Variants in SPOCK3 observed in about 807,000 individuals in gnomAD.
The protein encoded by SPOCK3 is SPARC (osteonectin), cwcv and kazal like domains proteoglycan 3.
Under a neutral mutation model 56.6 loss-of-function variants are expected in SPOCK3, and 30 were observed. That is an observed-to-expected ratio of 0.53 (90% confidence interval 0.40 to 0.72). The LOEUF is 0.72. SPOCK3 is among the 30% of genes least tolerant of loss of function. The probability of loss-of-function intolerance (pLI) is 0.00; values close to 1 mark genes in which losing one functional copy is unlikely to be tolerated. For synonymous variants in SPOCK3, 196 were observed against 183.3 expected, an observed-to-expected ratio of 1.07 and a Z score of -0.56; for missense variants, 527 against 530.0, an observed-to-expected ratio of 0.99 and a Z score of 0.06.
At chr4:167,180,000 A>G (rs559796816) in intron 2 of SPOCK3, among the ~76,000 whole-genome samples, 1 of 152,300 alleles carries the variant, frequency 6.6e-6, no homozygotes, top group African/African-American at 2.4e-5. Context: ...TTATACTGCA[A>G]GAAGGGAATG....
At chr4:167,119,328 T>C (rs1022356620) in intron 2 of SPOCK3, among the ~76,000 whole-genome samples, 1 of 152,144 alleles carries the variant, frequency 6.6e-6, no homozygotes, top group African/African-American at 2.4e-5. Flanking sequence ...TAATCATATA[T>C]ACTTTGGTGA....
Position 166,842,652 on chromosome 4 carries a change from G to T in SPOCK3, c.589+46478C>A, listed in dbSNP as rs1245506126. ...CCACCAGAGTAGCTAGTTACAGAGT[G>T]CTGATTGGCACATCCACCAACCCTG... On this transcript the variant is annotated intron_variant, in intron 6 of 10. Transcript: ENST00000357545. Among the ~76,000 whole-genome samples, 3 of 152,158 alleles carry T rather than the reference G, an allele frequency of 2.0e-5. No individual in the cohort carries two copies. In the East Asian group the frequency reaches 5.8e-4, roughly 29 times the overall value.
intron 2 of SPOCK3, among the ~76,000 whole-genome samples, chr4:167,151,208 G>T (rs1321976739): frequency 6.6e-6 from 1 of 152,032 alleles, no homozygotes; most frequent in Non-Finnish European, 1.5e-5. Context: ...GTCCTTTTGG[G>T]GTGATTGCAA....
At chr4:166,745,681 G>A (rs1735516707) in intron 8 of SPOCK3, among the ~76,000 whole-genome samples, 1 of 152,118 alleles carries the variant, frequency 6.6e-6, no homozygotes, top group Non-Finnish European at 1.5e-5. Context: ...CCAGTTAAAA[G>A]ACACAGACTG....
intron 2 of SPOCK3, among the ~76,000 whole-genome samples, chr4:167,233,777 C>T (rs1036605283): frequency 1.3e-5 from 2 of 152,056 alleles, no homozygotes; most frequent in African/African-American, 4.8e-5. Flanking sequence ...GAGACCTGAA[C>T]TCCTGTGCAT....
intron 4 of SPOCK3, among the ~76,000 whole-genome samples, chr4:166,983,846 T>C (rs1003335346): frequency 1.3e-5 from 2 of 152,054 alleles, no homozygotes; most frequent in African/African-American, 2.4e-5. Context: ...ATTATTAATT[T>C]GAATTTTCTA....
At chr4:166,930,175 T>G (rs1294150358) in intron 4 of SPOCK3, among the ~76,000 whole-genome samples, 1 of 152,078 alleles carries the variant, frequency 6.6e-6, no homozygotes, top group East Asian at 1.9e-4. Flanking sequence ...GAAGCATAAC[T>G]AATCTTTGTA....
At chr4:167,171,834 G>A (rs901136281) in intron 2 of SPOCK3, among the ~76,000 whole-genome samples, 7 of 151,328 alleles carry the variant, frequency 4.6e-5, no homozygotes, top group Non-Finnish European at 8.8e-5. Flanking sequence ...TACATGGGAC[G>A]AGACAGGAAT....
chr4:167,124,383 A>G (rs1474925951), intron 2 of SPOCK3, among the ~76,000 whole-genome samples: 1 of 152,174 alleles, frequency 6.6e-6, no homozygotes, highest in Admixed American at 6.5e-5. Flanking sequence ...CACATTCAGA[A>G]TGTCTAAAAC....
intron 4 of SPOCK3, among the ~76,000 whole-genome samples, chr4:166,982,100 G>A (rs374750561): frequency 2.4e-4 from 37 of 152,082 alleles, no homozygotes; most frequent in Admixed American, 3.9e-4. Context: ...CAGCGCTCCC[G>A]CCCTGCTGAA....
chr4:166,950,885 A>C (rs1742511960), intron 4 of SPOCK3, among the ~76,000 whole-genome samples: 1 of 146,154 alleles, frequency 6.8e-6, no homozygotes. Flanking sequence ...CTTTGAAACC[A>C]ACGAGAACAA....
chr4:167,091,934 ATC>A (rs1293221509), intron 2 of SPOCK3, among the ~76,000 whole-genome samples: 2 of 152,316 alleles, frequency 1.3e-5, no homozygotes, highest in Non-Finnish European at 2.9e-5. Context: ...AATAAAAAAT[ATC>A]TCTGTCTTTC....
intron 2 of SPOCK3, among the ~76,000 whole-genome samples, chr4:167,092,716 T>C (rs1758806276): frequency 6.6e-6 from 1 of 152,174 alleles, no homozygotes; most frequent in Non-Finnish European, 1.5e-5. Flanking sequence ...ACTTAATTTC[T>C]CCACATACTG....
rs547531515 is a variant in SPOCK3, at chr4:166,791,112, T to C, written c.709+1058A>G. Among the ~76,000 whole-genome samples, 87 of 152,016 alleles carry C rather than the reference T, an allele frequency of 5.7e-4. 1 individual carries two copies. Among genetic ancestry groups the C allele is most frequent in the African/African-American group, 2.0e-3 (84 of 41,412 alleles). ...TTCATGAAATTCATAAAAAGAAATATATGGATTAGTCATTACGCATTCAAA... is the reference window on the plus strand; with the variant it reads ...TTCATGAAATTCATAAAAAGAAATACATGGATTAGTCATTACGCATTCAAA... On this transcript the variant is annotated intron_variant, in intron 7 of 10. Transcript: ENST00000357545.
intron 4 of SPOCK3, among the ~76,000 whole-genome samples, chr4:166,975,922 G>A (rs1019810811): frequency 2.6e-5 from 4 of 152,048 alleles, no homozygotes; most frequent in African/African-American, 9.7e-5. Context: ...ATCTGCTCAT[G>A]GACCCTGAAG....
intron 4 of SPOCK3, among the ~76,000 whole-genome samples, chr4:166,929,177 T>C (rs1002291868): frequency 6.7e-6 from 1 of 148,766 alleles, no homozygotes; most frequent in Non-Finnish European, 1.5e-5. Context: ...TCTAAAAAAG[T>C]AAGTATTTTA....
intron 6 of SPOCK3, among the ~76,000 whole-genome samples, chr4:166,796,036 C>G (rs1257100430): frequency 6.6e-6 from 1 of 152,174 alleles, no homozygotes; most frequent in Non-Finnish European, 1.5e-5. Context: ...TCCCCTTCCA[C>G]CATGTCAGAA....
intron 2 of SPOCK3, among the ~76,000 whole-genome samples, chr4:167,115,221 T>A (rs1761232183): frequency 6.6e-6 from 1 of 151,944 alleles, no homozygotes; most frequent in African/African-American, 2.4e-5. Context: ...ACATATTATC[T>A]GTGGCGGCTT....
intron 2 of SPOCK3, among the ~76,000 whole-genome samples, chr4:167,140,340 T>C (rs908871287): frequency 1.3e-5 from 2 of 152,088 alleles, no homozygotes; most frequent in African/African-American, 4.8e-5. Flanking sequence ...GAAAATGTTA[T>C]ACATATTTAT....
Sources: allele counts gnomAD v4.1 joint callset (sites outside exome capture counted in the v4.1 genomes callset), GRCh38; gene constraint gnomAD v4.1.1; transcripts MANE v1.5; gene names NCBI Gene and HGNC (gene_info 2026-07-23, HGNC 2026-07-21).